Variants in TRAK1 observed in about 807,000 individuals in gnomAD.
The protein encoded by TRAK1 is trafficking kinesin-binding protein 1.
TRAK1 carries 33 observed loss-of-function variants against 92.1 expected under a neutral mutation model. That is an observed-to-expected ratio of 0.36 (90% CI 0.27 to 0.48). The LOEUF is 0.48. Ranked by LOEUF, TRAK1 falls within the 20% of genes least tolerant of loss-of-function variation. The pLI is 0.99. For missense variants in TRAK1, 1,123 were observed against 1,257.9 expected, an observed-to-expected ratio of 0.89 and a Z score of 1.62; for synonymous variants, 521 against 517.3, an observed-to-expected ratio of 1.01 and a Z score of -0.10.
At chr3:42,172,697 A>G (rs1702720299) in intron 2 of TRAK1, among the ~76,000 whole-genome samples, 1 of 152,172 alleles carries the variant, frequency 6.6e-6, no homozygotes, top group Non-Finnish European at 1.5e-5. Context: ...CCAGGAGGGC[A>G]GGTGTCCTGC....
rs755139255 is a variant in TRAK1, at chr3:42,104,667, G to C, written c.91+13107G>C. Among the ~76,000 whole-genome samples, 70 of 152,308 alleles carry C rather than the reference G, an allele frequency of 4.6e-4. 2 individuals are homozygous for C. Among genetic ancestry groups the C allele is most frequent in the Middle Eastern group, 6.8e-3 (2 of 294 alleles). ...TAGAAGGAAAACTAACAAACAGAAAGGAATCCACACCAAAACCCCATCTGT... is the reference window on the plus strand; with the variant it reads ...TAGAAGGAAAACTAACAAACAGAAACGAATCCACACCAAAACCCCATCTGT... On this transcript the variant is annotated intron_variant, in intron 1 of 15. Coordinates refer to ENST00000327628, the MANE Select transcript of TRAK1 (RefSeq NM_001042646.3).
intron 3 of TRAK1, among the ~76,000 whole-genome samples, chr3:42,182,442 G>A (rs1559887154): frequency 6.6e-6 from 1 of 151,882 alleles, no homozygotes; most frequent in South Asian, 2.1e-4. Context: ...ACTGGCTCCC[G>A]CCACCACACC....
chr3:42,146,318 G>T, intron 2 of TRAK1: 1 of 307,758 alleles, frequency 3.2e-6, no homozygotes. Flanking sequence ...TGGTTTTCCT[G>T]ACCTCAGTAT....
rs11921867 is a variant in TRAK1 at position 42,176,678 on chromosome 3, C to A, written c.287-136C>A. On this transcript the variant is annotated intron_variant, in intron 2 of 15. Coordinates refer to ENST00000327628, the MANE Select transcript of TRAK1 (RefSeq NM_001042646.3). ...AAGTCTGGTGGTGGTGAGTACATTG[C>A]GGGTTGAACCCAGCGAGCCAGTGAC... The A allele has an allele frequency of 0.012, 9,116 of 744,928 alleles. 611 individuals carry two copies. The African/African-American group carries it at 0.14, about 11-fold the overall frequency. 46.1% of individuals were successfully genotyped at this position (744,928 alleles called of 1,614,324 possible).
chr3:42,213,152 G>A (rs533160460), intron 14 of TRAK1, among the ~76,000 whole-genome samples: 7 of 146,806 alleles, frequency 4.8e-5, no homozygotes, highest in Non-Finnish European at 8.9e-5. Context: ...TCCACCTCCC[G>A]GTTCAAGTGC....
rs1183958793 is a variant in TRAK1, at chr3:42,015,937, TGA to T, written c.-519+1822_-519+1823del. Among the ~76,000 whole-genome samples the T allele has an allele frequency of 7.9e-5, 12 of 151,760 alleles. No homozygotes were observed. The East Asian group carries it at 2.3e-3, about 30-fold the overall frequency. On this transcript the variant is annotated intron_variant, in intron 1 of 16. Coordinates refer to the TRAK1 transcript ENST00000487159. ...CTGTAATCCCAGCTACTAAGGAGGGTGAGTCAGGAGAATAGCTTGAATCCGGG... is the reference window on the plus strand; with the variant it reads ...CTGTAATCCCAGCTACTAAGGAGGGTGTCAGGAGAATAGCTTGAATCCGGG...
At chr3:42,042,879 A>G (rs1702603422) in intron 1 of TRAK1, among the ~76,000 whole-genome samples, 1 of 151,908 alleles carries the variant, frequency 6.6e-6, no homozygotes, top group African/African-American at 2.4e-5. Context: ...TACATTCTCT[A>G]ATATTTAAGT....
At chr3:42,080,258 C>G (rs1462209145) in intron 1 of TRAK1, among the ~76,000 whole-genome samples, 1 of 152,158 alleles carries the variant, frequency 6.6e-6, no homozygotes, top group Non-Finnish European at 1.5e-5. Flanking sequence ...GCGTTAAGTA[C>G]TCTTGACAAA....
intron 1 of TRAK1, among the ~76,000 whole-genome samples, chr3:42,100,887 C>T (rs1039668877): frequency 2.6e-5 from 4 of 152,182 alleles, no homozygotes; most frequent in African/African-American, 4.8e-5. Context: ...CAGGCTGTCT[C>T]GAACTCCTGA....
chr3:42,219,732 A>C, intron 15 of TRAK1, 136 bp downstream of exon 15: 22 of 816,764 alleles, frequency 2.7e-5, no homozygotes, highest in Non-Finnish European at 3.1e-5. Flanking sequence ...TAAGCATCTC[A>C]GCATTTGCAG....
intron 2 of TRAK1, among the ~76,000 whole-genome samples, chr3:42,154,532 G>A (rs907567013): frequency 5.9e-5 from 9 of 152,188 alleles, no homozygotes; most frequent in African/African-American, 2.2e-4. Context: ...AGGCGGGAGT[G>A]CAGTGGCATG....
At chr3:42,155,531 G>A (rs1700440764) in intron 2 of TRAK1, among the ~76,000 whole-genome samples, 1 of 152,184 alleles carries the variant, frequency 6.6e-6, no homozygotes, top group South Asian at 2.1e-4. Flanking sequence ...GAAGTTAGCA[G>A]CTTGTTTTGT....
At chr3:42,067,101 T>G (rs1033652381) in intron 1 of TRAK1, among the ~76,000 whole-genome samples, 1 of 152,238 alleles carries the variant, frequency 6.6e-6, no homozygotes, top group African/African-American at 2.4e-5. Flanking sequence ...TGTTAGTGCT[T>G]CGTAGAGAAT....
At chr3:42,185,116 CAG>C (rs1704606259) in intron 4 of TRAK1, among the ~76,000 whole-genome samples, 1 of 152,316 alleles carries the variant, frequency 6.6e-6, no homozygotes, top group Non-Finnish European at 1.5e-5. Context: ...TCCTTGTCCT[CAG>C]AGAGTCTAGA....
At position 42,123,406 on chromosome 3, in the gene TRAK1, TCTGCAGTGAATCCCTGGCCCTGGCC is replaced by T. The variant is rs60445522; in HGVS notation, c.92-1986_92-1962del. ...TTCTCCCTGCTGTTCCTGCTTTGGT[TCTGCAGTGAATCCCTGGCCCTGGCC>T]CTGCAGTGAATCCCTGGCCCTGGCC... On this transcript the variant is annotated intron_variant, in intron 1 of 15. Transcript: ENST00000327628. Among the ~76,000 whole-genome samples, 326 of 152,284 alleles carry T rather than the reference TCTGCAGTGAATCCCTGGCCCTGGCC, an allele frequency of 2.1e-3. 1 individual carries two copies. The highest frequency in any genetic ancestry group is 7.3e-3 in the African/African-American group (302 of 41,558).
intron 1 of TRAK1, among the ~76,000 whole-genome samples, chr3:42,057,869 C>T (rs990872216): frequency 6.6e-6 from 1 of 152,172 alleles, no homozygotes; most frequent in African/African-American, 2.4e-5. Context: ...TCAGTTTGTG[C>T]TTTTATTCTT....
chr3:42,038,390 T>C (rs1277016498), intron 1 of TRAK1, among the ~76,000 whole-genome samples: 1 of 152,176 alleles, frequency 6.6e-6, no homozygotes, highest in African/African-American at 2.4e-5. Flanking sequence ...AGTGGTGTGA[T>C]CACAGCTTAC....
chr3:42,187,142 TC>T (rs1386841409), intron 4 of TRAK1, among the ~76,000 whole-genome samples: 3 of 152,160 alleles, frequency 2.0e-5, no homozygotes, highest in African/African-American at 7.2e-5. Flanking sequence ...GCTCTTTTCT[TC>T]CTGTGTGTGA....
At chr3:42,118,311 T>G (rs1709429954) in intron 1 of TRAK1, among the ~76,000 whole-genome samples, 2 of 151,778 alleles carry the variant, frequency 1.3e-5, no homozygotes, top group South Asian at 4.2e-4. Flanking sequence ...AGGCTGGTTT[T>G]GAACTCCTGA....
Sources: allele counts gnomAD v4.1 joint callset (sites outside exome capture counted in the v4.1 genomes callset), GRCh38; gene constraint gnomAD v4.1.1; transcripts MANE v1.5; gene names NCBI Gene and HGNC (gene_info 2026-07-23, HGNC 2026-07-21).